The following HMGA2 variants were observed in gnomAD, a reference collection of about 807,000 sequenced individuals.
HMGA2 encodes the protein high mobility group AT-hook 2.
In HMGA2, 8 loss-of-function variants were observed where a neutral mutation model predicts 19.1. The ratio of observed to expected loss-of-function variants is 0.42; its 90% confidence interval spans 0.25 to 0.76. HMGA2 has a LOEUF of 0.76. Ranked by LOEUF, HMGA2 falls within the 30% of genes least tolerant of loss-of-function variation. The pLI is 0.28. For synonymous variants in HMGA2, 60 were observed against 48.8 expected (o/e 1.23, Z -0.96); for missense variants, 109 against 136.3 (o/e 0.80, Z 1.00).
chr12:65,828,122 T>C (rs756809848), intron 2 of HMGA2, 35 bp downstream of exon 2: 1 of 1,463,952 alleles, frequency 6.8e-7, no homozygotes, highest in Admixed American at 1.7e-5. Flanking sequence ...CCTAACTTCA[T>C]CAATGACTGA....
intron 3 of HMGA2, among the ~76,000 whole-genome samples, chr12:65,931,551 T>TTGTGTGTGTGTGTG (rs60877869): frequency 1.2e-4 from 17 of 144,246 alleles, no homozygotes; most frequent in South Asian, 2.3e-4. Flanking sequence ...TTATAGATGT[T>TTGTGTGTGTGTGTG]TGTGTGTGTG....
At chr12:65,842,210 A>G (rs1871031927) in intron 3 of HMGA2, 1 of 760,836 alleles carries the variant, frequency 1.3e-6, no homozygotes, top group Non-Finnish European at 2.0e-6. Context: ...GAGTCTTAAG[A>G]AAATCACATG....
chr12:65,951,016 C>T (rs1340824366), intron 3 of HMGA2, among the ~76,000 whole-genome samples: 2 of 152,046 alleles, frequency 1.3e-5, no homozygotes, highest in African/African-American at 2.4e-5. Context: ...GCAGCCTTGA[C>T]CTTTCTTGGC....
At chr12:65,944,746 G>T (rs564733927) in intron 3 of HMGA2, among the ~76,000 whole-genome samples, 15 of 152,188 alleles carry the variant, frequency 9.9e-5, no homozygotes, top group African/African-American at 3.6e-4. Context: ...AAAAATGCCA[G>T]TTCAGCTAGC....
At chr12:65,863,297 CA>C (rs1352370068) in intron 3 of HMGA2, among the ~76,000 whole-genome samples, 5 of 152,220 alleles carry the variant, frequency 3.3e-5, no homozygotes, top group Non-Finnish European at 4.4e-5. Context: ...GGCACAAGTG[CA>C]AGTCCTGGCT....
intron 3 of HMGA2, among the ~76,000 whole-genome samples, chr12:65,873,257 T>C (rs1872798961): frequency 6.6e-6 from 1 of 152,252 alleles, no homozygotes; most frequent in African/African-American, 2.4e-5. Context: ...ATCCAAAGAA[T>C]GAATGTGTCC....
At chr12:65,924,450 TAC>T (rs141184393) in intron 3 of HMGA2, among the ~76,000 whole-genome samples, 130 of 150,116 alleles carry the variant, frequency 8.7e-4, no homozygotes, top group South Asian at 8.2e-3. Context: ...AAGACCTCCC[TAC>T]ACACACACAC....
At chr12:65,922,494 C>T (rs1339328532) in intron 3 of HMGA2, among the ~76,000 whole-genome samples, 2 of 152,150 alleles carry the variant, frequency 1.3e-5, no homozygotes, top group Admixed American at 1.3e-4. Context: ...GCTGTATTTA[C>T]CCAATACCTG....
intron 3 of HMGA2, among the ~76,000 whole-genome samples, chr12:65,931,593 G>A (rs1427616975): frequency 1.3e-5 from 2 of 150,476 alleles, no homozygotes; most frequent in Non-Finnish European, 3.0e-5. Flanking sequence ...GTGTGTGTTT[G>A]TGTGCGTATC....
intron 3 of HMGA2, among the ~76,000 whole-genome samples, chr12:65,902,900 T>C (rs1874431482): frequency 1.3e-5 from 2 of 152,174 alleles, no homozygotes; most frequent in Non-Finnish European, 2.9e-5. Context: ...TACTTACCAG[T>C]ACTAATTCAA....
In HMGA2 at chr12:65,824,693, G is replaced by A. The variant is rs1379394902; in HGVS notation, c.-578G>A. The A allele has an allele frequency of 2.1e-5, 4 of 192,634 alleles. No homozygotes were observed. Among genetic ancestry groups the A allele is most frequent in the South Asian group, 2.1e-4 (1 of 4,666 alleles). The allele number at this position is 192,634 out of a possible 1,614,324, so 11.9% of individuals were successfully genotyped here. ...CTCCTTTGCTTTCCGACTGCCCAAG[G>A]CACTTTCAATCTCAATCTCTTCTCT... On this transcript the variant is annotated 5_prime_UTR_variant, in exon 1 of 5. Transcript: ENST00000403681.
chr12:65,844,652 C>CA, intron 3 of HMGA2, among the ~76,000 whole-genome samples: 1 of 152,162 alleles, frequency 6.6e-6, no homozygotes, highest in East Asian at 1.9e-4. Context: ...TGAAGACTTT[C>CA]AAAAAAAGAG....
At chr12:65,844,050 C>CAAAAAA (rs3048828) in intron 3 of HMGA2, among the ~76,000 whole-genome samples, 5 of 79,734 alleles carry the variant, frequency 6.3e-5, no homozygotes, top group Non-Finnish European at 1.2e-4. Flanking sequence ...GACTCCATCT[C>CAAAAAA]AAAAAAAAAA....
intron 4 of HMGA2, among the ~76,000 whole-genome samples, chr12:65,959,415 T>G (rs930230967): frequency 6.6e-6 from 1 of 152,162 alleles, no homozygotes; most frequent in African/African-American, 2.4e-5. Flanking sequence ...GTAGTTATAA[T>G]AAAAATATAG....
chr12:65,955,573 A>T (rs1327292042), intron 4 of HMGA2: 1 of 152,216 alleles, frequency 6.6e-6, no homozygotes, highest in Non-Finnish European at 1.5e-5. Context: ...TAAAATCCTA[A>T]CAGCTCTCCA....
intron 3 of HMGA2, among the ~76,000 whole-genome samples, chr12:65,906,548 T>C (rs182203977): frequency 2.6e-5 from 4 of 152,140 alleles, no homozygotes; most frequent in Non-Finnish European, 5.9e-5. Flanking sequence ...TCACTTCCCA[T>C]ACTTCAGCAA....
At chr12:65,918,398 C>T (rs956003459) in intron 3 of HMGA2, among the ~76,000 whole-genome samples, 4 of 152,148 alleles carry the variant, frequency 2.6e-5, no homozygotes, top group African/African-American at 9.7e-5. Flanking sequence ...GAAATGTAAG[C>T]AGGGCTGGTG....
intron 3 of HMGA2, among the ~76,000 whole-genome samples, chr12:65,892,889 TC>T (rs1873970559): frequency 6.6e-6 from 1 of 152,118 alleles, no homozygotes; most frequent in South Asian, 2.1e-4. Context: ...AATGTGTAGC[TC>T]TTTCAAGCGG....
At chr12:65,836,073 A>C (rs1160988247) in intron 2 of HMGA2, among the ~76,000 whole-genome samples, 2 of 152,228 alleles carry the variant, frequency 1.3e-5, no homozygotes, top group East Asian at 3.8e-4. Flanking sequence ...GCATTGACCA[A>C]GGCTTCTGTG....
Sources: allele counts gnomAD v4.1 joint callset (sites outside exome capture counted in the v4.1 genomes callset), GRCh38; gene constraint gnomAD v4.1.1; transcripts MANE v1.5; gene names NCBI Gene and HGNC (gene_info 2026-07-23, HGNC 2026-07-21).